The following PTPRD variants were observed in gnomAD, a reference collection of about 807,000 sequenced individuals.
PTPRD encodes protein tyrosine phosphatase receptor type D.
Under a neutral mutation model 214.5 loss-of-function variants are expected in PTPRD, and 34 were observed. That is an observed-to-expected ratio of 0.16 (90% CI 0.12 to 0.21). The LOEUF is 0.21. PTPRD is among the 10% of genes least tolerant of loss of function. The probability of loss-of-function intolerance (pLI) is 1.00; values close to 1 mark genes in which losing one functional copy is unlikely to be tolerated. For missense variants in PTPRD, 2,545 were observed against 2,398.7 expected (o/e 1.06, Z -1.27); for synonymous variants, 1,128 against 845.7 (o/e 1.33, Z -5.79).
At chr9:8,769,840 C>T (rs966276243) in intron 11 of PTPRD, among the ~76,000 whole-genome samples, 3 of 151,406 alleles carry the variant, frequency 2.0e-5, no homozygotes, top group Admixed American at 1.3e-4. Flanking sequence ...TCTGACCGCA[C>T]TCCCCTGCTC....
intron 2 of PTPRD, among the ~76,000 whole-genome samples, chr9:10,390,994 A>G (rs1023796856): frequency 6.6e-6 from 1 of 151,820 alleles, no homozygotes; most frequent in African/African-American, 2.4e-5. Flanking sequence ...TGGTCCCTTG[A>G]CTTTACAATG....
chr9:9,830,828 C>A (rs949163293), intron 5 of PTPRD, among the ~76,000 whole-genome samples: 5 of 151,882 alleles, frequency 3.3e-5, no homozygotes, highest in African/African-American at 1.2e-4. Context: ...TATTTCTAGC[C>A]TTGTTTTCAA....
In PTPRD at chr9:8,708,997, C is replaced by T. The variant is rs117275687; in HGVS notation, c.64+24783G>A. ...TATGGCAAGTGAAGTAAGCCAGGCA[C>T]AAAAAGACAAATACTCCATGATCTC... On this transcript the variant is annotated intron_variant, in intron 12 of 45. Coordinates refer to ENST00000381196, the MANE Select transcript of PTPRD (RefSeq NM_002839.4). Among the ~76,000 whole-genome samples, 1,005 of 151,466 alleles carry T rather than the reference C, an allele frequency of 6.6e-3. 34 individuals are homozygous for T. The highest frequency in any genetic ancestry group is 0.046 in the East Asian group (237 of 5,118).
intron 7 of PTPRD, among the ~76,000 whole-genome samples, chr9:9,723,766 A>G (rs1284903575): frequency 6.6e-6 from 1 of 152,000 alleles, no homozygotes; most frequent in Non-Finnish European, 1.5e-5. Context: ...ATTTTACTTG[A>G]TACTGTTTTG....
At chr9:9,274,110 T>A (rs1944034739) in intron 9 of PTPRD, among the ~76,000 whole-genome samples, 1 of 151,178 alleles carries the variant, frequency 6.6e-6, no homozygotes, top group Non-Finnish European at 1.5e-5. Flanking sequence ...CACTTGGATG[T>A]CCTCCTTCTG....
At chr9:9,323,127 T>C (rs1189404974) in intron 9 of PTPRD, among the ~76,000 whole-genome samples, 1 of 152,142 alleles carries the variant, frequency 6.6e-6, no homozygotes, top group Non-Finnish European at 1.5e-5. Flanking sequence ...GAATGATGTA[T>C]TTGTGAAGGT....
chr9:9,658,426 T>G (rs547931509), intron 7 of PTPRD, among the ~76,000 whole-genome samples: 159 of 152,308 alleles, frequency 1.0e-3, no homozygotes, highest in African/African-American at 3.8e-3. Flanking sequence ...CAAACTTGAC[T>G]AGAAATTTCC....
chr9:9,322,220 G>T (rs1443326934), intron 9 of PTPRD, among the ~76,000 whole-genome samples: 1 of 152,134 alleles, frequency 6.6e-6, no homozygotes, highest in African/African-American at 2.4e-5. Context: ...AGAGTCCTAT[G>T]ACTTTCACCA....
intron 5 of PTPRD, among the ~76,000 whole-genome samples, chr9:9,883,869 TGCA>T (rs1296089250): frequency 6.6e-6 from 1 of 152,128 alleles, no homozygotes; most frequent in Admixed American, 6.6e-5. Context: ...TCCAATGTCA[TGCA>T]GCAGAAATAA....
At chr9:8,427,317 T>G (rs1292345252) in intron 35 of PTPRD, among the ~76,000 whole-genome samples, 1 of 152,158 alleles carries the variant, frequency 6.6e-6, no homozygotes, top group Non-Finnish European at 1.5e-5. Context: ...GGTGGGGATG[T>G]CGACTGGAAA....
rs541267158 is a variant in PTPRD at position 8,923,233 on chromosome 9, G to A, written c.-104+95464C>T. Reference sequence around the variant, plus strand: ...ATTTTTGTATTTTTAGTAGAGACAGGGTTTCACCATGTTGGCCAGGCTGGT... The same window carrying A: ...ATTTTTGTATTTTTAGTAGAGACAGAGTTTCACCATGTTGGCCAGGCTGGT... On this transcript the variant is annotated intron_variant, in intron 11 of 45. Transcript: ENST00000381196. Among the ~76,000 whole-genome samples, 4 of 151,522 alleles carry A rather than the reference G, an allele frequency of 2.6e-5. No individual in the cohort carries two copies. The South Asian group carries it at 6.3e-4, about 24-fold the overall frequency.
intron 3 of PTPRD, among the ~76,000 whole-genome samples, chr9:10,301,499 C>T (rs1034486506): frequency 3.9e-5 from 6 of 152,088 alleles, no homozygotes; most frequent in Non-Finnish European, 8.8e-5. Context: ...TCTAACCCTT[C>T]GCAAGGAAGC....
chr9:10,468,327 A>T (rs1205222067), intron 2 of PTPRD, among the ~76,000 whole-genome samples: 1 of 152,220 alleles, frequency 6.6e-6, no homozygotes, highest in Non-Finnish European at 1.5e-5. Context: ...GCCATAAAAA[A>T]GGATGAGTTC....
intron 14 of PTPRD, among the ~76,000 whole-genome samples, chr9:8,580,485 C>T (rs1180350946): frequency 6.6e-6 from 1 of 152,006 alleles, no homozygotes; most frequent in Non-Finnish European, 1.5e-5. Context: ...GTCTGCAGAC[C>T]CTGATGGACT....
At chr9:8,840,840 A>G (rs2570299) in intron 11 of PTPRD, among the ~76,000 whole-genome samples, 77,485 of 151,958 alleles carry the variant, frequency 0.51, 20,713 homozygotes, top group African/African-American at 0.68. Flanking sequence ...CACCAATTCT[A>G]TCAATTAACT....
chr9:8,744,857 C>A (rs1456374977), intron 11 of PTPRD, among the ~76,000 whole-genome samples: 1 of 152,118 alleles, frequency 6.6e-6, no homozygotes, highest in Admixed American at 6.6e-5. Context: ...CATGACTATT[C>A]CCACATCTCT....
chr9:10,389,728 C>T (rs1359219913), intron 2 of PTPRD, among the ~76,000 whole-genome samples: 1 of 151,822 alleles, frequency 6.6e-6, no homozygotes, highest in African/African-American at 2.4e-5. Flanking sequence ...TCATTGACTC[C>T]ACCTCCACAT....
At chr9:10,446,459 C>T (rs200376744) in intron 2 of PTPRD, among the ~76,000 whole-genome samples, 1 of 128,412 alleles carries the variant, frequency 7.8e-6, no homozygotes, top group Non-Finnish European at 1.6e-5. Flanking sequence ...AACCATTGCA[C>T]AGCTAAAAGA....
At chr9:10,610,115 A>G (rs545254810) in intron 2 of PTPRD, among the ~76,000 whole-genome samples, 49 of 152,256 alleles carry the variant, frequency 3.2e-4, no homozygotes, top group Non-Finnish European at 5.4e-4. Context: ...TTTCTTCTCA[A>G]CTTTAAAGTT....
Sources: gnomAD v4.1 joint callset for allele counts (sites outside exome capture counted in the v4.1 genomes callset) on GRCh38, gnomAD v4.1.1 for gene constraint, MANE v1.5 for transcripts, NCBI Gene and HGNC (gene_info 2026-07-23, HGNC 2026-07-21) for gene names.